LRP6: variants seen among roughly 807,000 people sequenced by gnomAD.
LRP6 encodes the protein LDL receptor related protein 6, also known as low-density lipoprotein receptor-related protein 6.
Under a neutral mutation model 184.1 loss-of-function variants are expected in LRP6, and 43 were observed. That is an observed-to-expected ratio of 0.23 (90% CI 0.18 to 0.30). LRP6 has a LOEUF of 0.30. Ranked by LOEUF, LRP6 falls within the 10% of genes least tolerant of loss-of-function variation. LRP6 has a pLI of 1.00. For missense variants in LRP6, 1,571 were observed against 2,005.3 expected (o/e 0.78, Z 4.14); for synonymous variants, 719 against 684.9 (o/e 1.05, Z -0.78).
rs1863343057 is a variant in LRP6 at position 12,181,439 on chromosome 12, C to G, written c.977G>C (p.Gly326Ala). The G allele has an allele frequency of 8.8e-7, 1 of 1,132,166 alleles. No homozygotes were observed. The highest frequency in any genetic ancestry group is 1.7e-5 in the Admixed American group (1 of 59,400). The allele number at this position is 1,132,166 out of a possible 1,614,324, so 70.1% of individuals were successfully genotyped here. The stretch of plus-strand genomic sequence containing the variant: ...AGCTAAAAGCAATAATTCTGTGGCA[C>G]CTAGAACAACAAAGTGAAATGAAGA... ...LLENGKTCKD[G>A]ATELLLLARR... The change falls in exon 6 of 23, where the codon GGT (glycine) becomes GCT (alanine). Residue 326 changes from glycine to alanine, a missense_variant and splice_region_variant. Physicochemically the swap from Gly to Ala is moderately conservative, Grantham distance 60. Coordinates refer to ENST00000261349, the MANE Select transcript of LRP6 (RefSeq NM_002336.3).
chr12:12,203,727 T>C (rs1251296764), intron 2 of LRP6, among the ~76,000 whole-genome samples: 1 of 151,982 alleles, frequency 6.6e-6, no homozygotes, highest in African/African-American at 2.4e-5. Flanking sequence ...GAGATTGTGC[T>C]ACTGCACTCC....
intron 1 of LRP6, among the ~76,000 whole-genome samples, chr12:12,264,533 A>G (rs1226071212): frequency 6.6e-6 from 1 of 152,160 alleles, no homozygotes; most frequent in African/African-American, 2.4e-5. Context: ...TACAGGACAG[A>G]AGGTCTCCCA....
Position 12,203,342 on chromosome 12 carries a change from C to T in LRP6, c.508G>A (p.Gly170Ser), listed in dbSNP as rs751119605. The change falls in exon 3 of 23, where the codon GGT (glycine) becomes AGT (serine). Residue 170 changes from glycine (G) to serine (S), a missense_variant. By Grantham distance (56) the Gly-to-Ser change is moderately conservative. Around this residue, in one of 4 missense-constraint regions of LRP6, gnomAD observed 640 missense variants for 851.9 expected, o/e 0.75. Transcript: ENST00000261349. ...VPKIERAGMD[G>S]SSRFIIINSE... ...TTTATTATAATGAAGCGACTTGAAC[C>T]ATCCATTCCAGCACGTTCTATCTTT... The T allele has an allele frequency of 6.2e-7, 1 of 1,614,106 alleles. No individual in the cohort carries two copies. The highest frequency in any genetic ancestry group is 8.5e-7 in the Non-Finnish European group (1 of 1,179,958).
At position 12,249,742 on chromosome 12, in the gene LRP6, A is replaced by G. The variant is rs188704712; in HGVS notation, c.56-5087T>C. Among the ~76,000 whole-genome samples the G allele has an allele frequency of 2.0e-5, 3 of 149,764 alleles. No individual in the cohort carries two copies. In the East Asian group the frequency reaches 5.8e-4, roughly 29 times the overall value. ...AAGGAAGGAAGGAAGGAAATAAATT[A>G]ATTAAAGTTCACCTGGTCAACAAGC... is the stretch of plus-strand genomic sequence containing the variant. On this transcript the variant is annotated intron_variant, in intron 1 of 22. Coordinates refer to ENST00000261349, the MANE Select transcript of LRP6 (RefSeq NM_002336.3).
chr12:12,119,987 C>CAAACAAACAAACAAACAAAAAAAAAAAAA lies in LRP6; in HGVS notation c.*1138_*1139insTTTTTTTTTTTTTGTTTGTTTGTTTGTTT, dbSNP rs567315765. ...TTTACTCAGAAAACAAACAAACAAA[C>CAAACAAACAAACAAACAAAAAAAAAAAAA]AAAATATATATATATATATATATAT... is the stretch of plus-strand genomic sequence containing the variant. On this transcript the variant is annotated 3_prime_UTR_variant, in exon 23 of 23. Coordinates refer to ENST00000261349, the MANE Select transcript of LRP6 (RefSeq NM_002336.3). 2.1e-4 allele frequency: 9 copies of CAAACAAACAAACAAACAAAAAAAAAAAAA among 42,928 alleles called. No homozygotes were observed. The highest frequency in any genetic ancestry group is 3.2e-4 in the Non-Finnish European group (7 of 22,132). 2.7% of individuals were successfully genotyped at this position (42,928 alleles called of 1,614,324 possible). A position where few individuals can be genotyped will look rare whatever the true frequency, so the allele number is the denominator to read the frequency against.
In LRP6 at chr12:12,148,894, G is replaced by A. The variant is rs545189018; in HGVS notation, c.3206+48C>T. On this transcript the variant is annotated intron_variant, in intron 14 of 22. Coordinates refer to ENST00000261349, the MANE Select transcript of LRP6 (RefSeq NM_002336.3). ...ATAACAGGCTGAAAAAGAAGGGTGA[G>A]GAGAGTCTCAGAAGCCACAGTATCT... is the stretch of plus-strand genomic sequence containing the variant. The A allele has an allele frequency of 4.5e-6, 6 of 1,330,686 alleles. No homozygotes were observed. In the African/African-American group the frequency reaches 8.7e-5, roughly 19 times the overall value. The allele number at this position is 1,330,686 out of a possible 1,614,324, so 82.4% of individuals were successfully genotyped here. A position where few individuals can be genotyped will look rare whatever the true frequency, so the allele number is the denominator to read the frequency against.
chr12:12,148,799 T>C (rs1950043243), intron 14 of LRP6, 143 bp downstream of exon 14: 1 of 745,978 alleles, frequency 1.3e-6, no homozygotes. Context: ...ACTGTTAAGA[T>C]AATGCAGAAA....
intron 2 of LRP6, among the ~76,000 whole-genome samples, chr12:12,212,169 A>AT (rs1371709575): frequency 6.6e-6 from 1 of 152,028 alleles, no homozygotes; most frequent in African/African-American, 2.4e-5. Flanking sequence ...ACTTTGTTTT[A>AT]TTTTTTGTTG....
At chr12:12,172,141 A>C (rs983411537) in intron 7 of LRP6, among the ~76,000 whole-genome samples, 1 of 152,234 alleles carries the variant, frequency 6.6e-6, no homozygotes, top group Non-Finnish European at 1.5e-5. Context: ...TTAATTAGTT[A>C]AACTGAAATT....
intron 1 of LRP6, among the ~76,000 whole-genome samples, chr12:12,261,212 A>T (rs983616774): frequency 1.3e-5 from 2 of 152,166 alleles, no homozygotes; most frequent in Non-Finnish European, 1.5e-5. Context: ...CGAGATCAGG[A>T]GATCGAGACC....
rs889658401 is a variant in LRP6 at position 12,266,984 on chromosome 12, C to A, written c.-249G>T. ...CATCCCGCCGCCTCCTCCCCCGGCG[C>A]CCCGCTTCCCCCGCGCAGCTCCTCA... is the stretch of plus-strand genomic sequence containing the variant. On this transcript the variant is annotated 5_prime_UTR_variant, in exon 1 of 23. Transcript: ENST00000261349. 3.8e-6 allele frequency: 2 copies of A among 532,206 alleles called. No individual in the cohort carries two copies. Among genetic ancestry groups the A allele is most frequent in the Non-Finnish European group, 3.3e-6 (1 of 305,154 alleles). 33.0% of individuals were successfully genotyped at this position (532,206 alleles called of 1,614,324 possible).
chr12:12,191,613 C>T (rs953323114), intron 3 of LRP6, among the ~76,000 whole-genome samples: 2 of 151,586 alleles, frequency 1.3e-5, no homozygotes, highest in Non-Finnish European at 2.9e-5. Flanking sequence ...AAAAAGTATG[C>T]CAGAAAGATA....
intron 2 of LRP6, among the ~76,000 whole-genome samples, chr12:12,213,511 A>C (rs1864265295): frequency 6.6e-6 from 1 of 152,002 alleles, no homozygotes; most frequent in Admixed American, 6.6e-5. Flanking sequence ...TGCTTGAATC[A>C]AAATTTGGTT....
chr12:12,204,458 T>C (rs1184270513), intron 2 of LRP6, among the ~76,000 whole-genome samples: 2 of 152,104 alleles, frequency 1.3e-5, no homozygotes, highest in Non-Finnish European at 2.9e-5. Context: ...TGCATAGTAC[T>C]GTACTAATGT....
chr12:12,177,733 T>C lies in LRP6; in HGVS notation c.1545+2077A>G, dbSNP rs184384588. Among the ~76,000 whole-genome samples, 220 of 152,218 alleles carry C rather than the reference T, an allele frequency of 1.4e-3. 1 individual carries two copies. The highest frequency in any genetic ancestry group is 4.9e-3 in the African/African-American group (205 of 41,538). ...GGGAAATTATAAAGGGAGGTCTTCA[T>C]GTATACAGAAGTAAATTTACCACAA... is the stretch of plus-strand genomic sequence containing the variant. On this transcript the variant is annotated intron_variant, in intron 7 of 22. Coordinates refer to ENST00000261349, the MANE Select transcript of LRP6 (RefSeq NM_002336.3).
chr12:12,185,714 G>A (rs1863452730), intron 4 of LRP6, among the ~76,000 whole-genome samples: 1 of 152,136 alleles, frequency 6.6e-6, no homozygotes, highest in African/African-American at 2.4e-5. Context: ...AAAACAAGGT[G>A]GGAGGGGTAC....
chr12:12,124,926 T>C (rs1042005561), intron 21 of LRP6, among the ~76,000 whole-genome samples: 3 of 152,218 alleles, frequency 2.0e-5, no homozygotes, highest in Non-Finnish European at 4.4e-5. Context: ...ATTTAGGTCC[T>C]GGTTATTTAA....
chr12:12,197,696 A>G (rs1863801682), intron 3 of LRP6, among the ~76,000 whole-genome samples: 1 of 152,228 alleles, frequency 6.6e-6, no homozygotes, highest in Non-Finnish European at 1.5e-5. Flanking sequence ...GCAACAATAT[A>G]AAGTTTCAGA....
intron 7 of LRP6, among the ~76,000 whole-genome samples, chr12:12,170,954 G>C (rs1863020383): frequency 6.6e-6 from 1 of 151,900 alleles, no homozygotes; most frequent in Non-Finnish European, 1.5e-5. Context: ...TTTATTTTAG[G>C]CTATGTCAAA....
Sources: allele counts gnomAD v4.1 joint callset (sites outside exome capture counted in the v4.1 genomes callset), GRCh38; gene constraint gnomAD v4.1.1; regional missense constraint gnomAD v4.1.1; transcripts MANE v1.5; gene names NCBI Gene and HGNC (gene_info 2026-07-23, HGNC 2026-07-21).